The following SLC22A8 variants were observed in gnomAD, a reference collection of about 807,000 sequenced individuals.
The protein encoded by SLC22A8 is organic anion transporter 3.
In SLC22A8, 40 loss-of-function variants were observed where a neutral mutation model predicts 48.4. The ratio of observed to expected loss-of-function variants is 0.83; its 90% confidence interval spans 0.64 to 1.08. The LOEUF is 1.08. Among genes scored for constraint, SLC22A8 ranks in the 50% least tolerant of loss-of-function variants. The probability of loss-of-function intolerance (pLI) is 0.00; values close to 1 mark genes in which losing one functional copy is unlikely to be tolerated. For synonymous variants in SLC22A8, 268 were observed against 286.3 expected, an observed-to-expected ratio of 0.94 and a Z score of 0.65; for missense variants, 606 against 699.0, an observed-to-expected ratio of 0.87 and a Z score of 1.50.
At chr11:62,999,523 G>T in intron 4 of SLC22A8, 165 bp downstream of exon 4, 1 of 524,346 alleles carries the variant, frequency 1.9e-6, no homozygotes, top group Non-Finnish European at 3.4e-6. Context: ...TACTATGCTT[G>T]TTGTCATTTT....
At position 62,999,752 on chromosome 11, in the gene SLC22A8, G is replaced by A. The variant is rs1283473602; in HGVS notation, c.528C>T (p.Tyr176=). ...GAAFSPTFPI[Y]MVFRFLCGFG... ...AGCCACACAGGAAGCGGAAGACCAT[G>A]TAGATGGGGAAGGTGGGGCTGAAGG... The change falls in exon 4 of 11, where the codon TAC becomes TAT. Residue 176 remains tyrosine (Y), a synonymous_variant. Coordinates refer to ENST00000336232, the MANE Select transcript of SLC22A8 (RefSeq NM_004254.4). 1.9e-6 allele frequency: 3 copies of A among 1,607,900 alleles called. No individual in the cohort carries two copies. The highest frequency in any genetic ancestry group is 1.1e-5 in the South Asian group (1 of 90,030).
intron 2 of SLC22A8, among the ~76,000 whole-genome samples, chr11:63,007,925 G>A (rs1326124806): frequency 1.3e-5 from 2 of 152,212 alleles, no homozygotes; most frequent in Non-Finnish European, 2.9e-5. Flanking sequence ...TTTCAAGAAA[G>A]AGACTCAAAC....
intron 2 of SLC22A8, among the ~76,000 whole-genome samples, chr11:63,003,468 A>G (rs1565299069): frequency 6.6e-6 from 1 of 152,014 alleles, no homozygotes; most frequent in African/African-American, 2.4e-5. Context: ...GAGGAGATGG[A>G]GGAGGGACAA....
In SLC22A8 at chr11:62,999,778, C is replaced by T; in HGVS notation, c.502G>A (p.Ala168Thr). The part of the protein sequence containing the change: ...LLLAASGSGA[A>T]FSPTFPIYMV... ...TAGATGGGGAAGGTGGGGCTGAAGGCTGCACCGGAGCCGCTGGCTGCCAGC... is the reference window on the plus strand; with the variant it reads ...TAGATGGGGAAGGTGGGGCTGAAGGTTGCACCGGAGCCGCTGGCTGCCAGC... The change falls in exon 4 of 11, where the codon GCC becomes ACC. Residue 168 changes from alanine (A) to threonine (T), a missense_variant. By Grantham distance (58) the Ala-to-Thr change is moderately conservative. Transcript: ENST00000336232. The T allele has an allele frequency of 6.2e-7, 1 of 1,606,694 alleles. No homozygotes were observed. The highest frequency in any genetic ancestry group is 2.3e-5 in the East Asian group (1 of 44,182).
chr11:63,001,071 A>G, intron 2 of SLC22A8: 1 of 472,140 alleles, frequency 2.1e-6, no homozygotes, highest in Admixed American at 3.4e-5. Flanking sequence ...CCACTCAGCT[A>G]CCACATCCAG....
chr11:63,010,962 G>C (rs1413145420), intron 2 of SLC22A8, among the ~76,000 whole-genome samples: 2 of 152,048 alleles, frequency 1.3e-5, no homozygotes, highest in African/African-American at 4.8e-5. Context: ...AGGCTCTGAG[G>C]GGGCAAGTCC....
chr11:62,994,796 G>T, intron 7 of SLC22A8, 40 bp from the exon 8 acceptor site: 1 of 1,513,966 alleles, frequency 6.6e-7, no homozygotes, highest in South Asian at 1.1e-5. Flanking sequence ...CTGCAGCCAG[G>T]CAGAGGCCAC....
intron 2 of SLC22A8, among the ~76,000 whole-genome samples, chr11:63,012,974 T>TGGTGTGGAGGGCA (rs1273862709): frequency 6.6e-6 from 1 of 152,088 alleles, no homozygotes; most frequent in Non-Finnish European, 1.5e-5. Context: ...GCAAATGTCA[T>TGGTGTGGAGGGCA]GGTGTGGAGG....
At chr11:62,995,094 T>A (rs1300911518) in intron 7 of SLC22A8, 1 of 389,748 alleles carries the variant, frequency 2.6e-6, no homozygotes, top group East Asian at 5.7e-5. Flanking sequence ...CAGTTTAACA[T>A]CCAGACTGGC....
intron 2 of SLC22A8, among the ~76,000 whole-genome samples, chr11:63,005,218 T>C (rs2086541132): frequency 6.6e-6 from 1 of 152,172 alleles, no homozygotes; most frequent in African/African-American, 2.4e-5. Context: ...ATGAGAAAAA[T>C]ATGGCCATGG....
chr11:62,994,931 G>A (rs2086397338), intron 7 of SLC22A8, 175 bp from the exon 8 acceptor site: 6 of 638,800 alleles, frequency 9.4e-6, no homozygotes, highest in Non-Finnish European at 1.7e-5. Context: ...TGGGCTCAGG[G>A]AGAAAGTGCT....
chr11:62,995,417 C>G lies in SLC22A8; in HGVS notation c.1001+287G>C, dbSNP rs2156570. On this transcript the variant is annotated intron_variant, in intron 7 of 10. Coordinates refer to ENST00000336232, the MANE Select transcript of SLC22A8 (RefSeq NM_004254.4). Reference sequence around the variant, plus strand: ...GACAGAGAGGGAGAGCATGGGGACACTGAGCGGCAGGGATGTGAGCTGGGG... The same window carrying G: ...GACAGAGAGGGAGAGCATGGGGACAGTGAGCGGCAGGGATGTGAGCTGGGG... The G allele has an allele frequency of 3.8e-3, 1,784 of 474,246 alleles. 38 individuals are homozygous for G. The East Asian group carries it at 0.047, about 12-fold the overall frequency. The allele number at this position is 474,246 out of a possible 1,614,324, so 29.4% of individuals were successfully genotyped here. A position where few individuals can be genotyped will look rare whatever the true frequency, so the allele number is the denominator to read the frequency against.
chr11:62,993,768 A>G lies in SLC22A8; in HGVS notation c.1325+2T>C. ...GGGCCTGGCCCCAGGTCCAGCACCT[A>G]CCTGATGACTGTGGGGTATAATTCA... On this transcript the variant is annotated splice_donor_variant, in intron 9 of 10. Transcript: ENST00000336232. LOFTEE classifies it high-confidence loss of function. 6.2e-7 allele frequency: 1 copy of G among 1,609,506 alleles called. No homozygotes were observed. Among genetic ancestry groups the G allele is most frequent in the Non-Finnish European group, 8.5e-7 (1 of 1,175,752 alleles).
In SLC22A8 at chr11:63,014,789, G is replaced by A. The variant is rs371508112; in HGVS notation, c.170C>T (p.Thr57Ile). Residue 57 changes from threonine to isoleucine, a missense_variant, in exon 2 of 11, where the codon ACA (threonine) becomes ATA (isoleucine). Coordinates refer to ENST00000336232, the MANE Select transcript of SLC22A8 (RefSeq NM_004254.4). Reference protein sequence around the residue: ...HHCRPPHNASTGPWVLPMGPN... With the variant: ...HHCRPPHNASIGPWVLPMGPN... ...GCCCATGGGGAGCACCCAAGGCCCTGTGGAGGCATTGTGGGGCGGGCGACA... is the reference window on the plus strand; with the variant it reads ...GCCCATGGGGAGCACCCAAGGCCCTATGGAGGCATTGTGGGGCGGGCGACA... The A allele has an allele frequency of 1.9e-5, 31 of 1,613,256 alleles. No individual in the cohort carries two copies. The African/African-American group carries it at 2.3e-4, about 12-fold the overall frequency.
chr11:63,011,350 G>A (rs1208381977), intron 2 of SLC22A8, among the ~76,000 whole-genome samples: 4 of 152,192 alleles, frequency 2.6e-5, no homozygotes, highest in Non-Finnish European at 4.4e-5. Context: ...GAACCATCTG[G>A]CACAGTGTGA....
Position 62,993,251 on chromosome 11 carries a change from G to A in SLC22A8, c.1615C>T (p.Leu539=), listed in dbSNP as rs1463149721. The change falls in exon 11 of 11, where the codon CTG becomes TTG. Residue 539 remains leucine (L), a synonymous_variant. Transcript: ENST00000336232. ...RIPLQPHGPG[L]GSS ...TTCCGTTGTCCTCAGCTGGAGCCCA[G>A]GCCTGGTCCGTGAGGCTGTAGAGGG... The A allele has an allele frequency of 6.2e-7, 1 of 1,612,336 alleles. No individual in the cohort carries two copies. The highest frequency in any genetic ancestry group is 1.7e-5 in the Admixed American group (1 of 59,952).
At chr11:63,008,058 C>T (rs762906344) in intron 2 of SLC22A8, among the ~76,000 whole-genome samples, 1 of 152,360 alleles carries the variant, frequency 6.6e-6, no homozygotes, top group African/African-American at 2.4e-5. Context: ...GGAGCTGTTA[C>T]TGTGAGCCAC....
At chr11:63,001,681 C>T (rs2086496926) in intron 2 of SLC22A8, among the ~76,000 whole-genome samples, 1 of 152,160 alleles carries the variant, frequency 6.6e-6, no homozygotes, top group African/African-American at 2.4e-5. Flanking sequence ...CTCCACTTTC[C>T]CCAGGCGATG....
At chr11:63,001,696 C>T (rs2086497331) in intron 2 of SLC22A8, among the ~76,000 whole-genome samples, 1 of 152,196 alleles carries the variant, frequency 6.6e-6, no homozygotes, top group African/African-American at 2.4e-5. Flanking sequence ...GCGATGCCAT[C>T]TGTTCCTGCG....
Sources: allele counts gnomAD v4.1 joint callset (sites outside exome capture counted in the v4.1 genomes callset), GRCh38; gene constraint gnomAD v4.1.1; transcripts MANE v1.5; gene names NCBI Gene and HGNC (gene_info 2026-07-23, HGNC 2026-07-21).